DDB1: variants seen among roughly 807,000 people sequenced by gnomAD.
DDB1 encodes DNA damage-binding protein 1.
In DDB1, 18 loss-of-function variants were observed where a neutral mutation model predicts 133.1. The observed-to-expected ratio is 0.14, with a 90% CI of 0.09 to 0.20. The LOEUF is 0.20. DDB1 is among the 10% of genes least tolerant of loss of function. DDB1 has a pLI of 1.00. For synonymous variants in DDB1, 580 were observed against 550.5 expected (o/e 1.05, Z -0.75); for missense variants, 828 against 1,459.2 (o/e 0.57, Z 7.05).
At chr11:61,311,191 G>A (rs980782465) in intron 18 of DDB1, 10 of 152,788 alleles carry the variant, frequency 6.5e-5, no homozygotes, top group African/African-American at 1.9e-4. Flanking sequence ...GGTAGAGGTT[G>A]CAGTGAGCCG....
intron 1 of DDB1, 27 bp downstream of exon 1, chr11:61,332,881 C>T (rs1406601836): frequency 2.8e-5 from 41 of 1,465,084 alleles, no homozygotes; most frequent in Non-Finnish European, 3.2e-5. Context: ...CCTCACTCGC[C>T]GGGGTCTCCG....
At chr11:61,312,242 C>G (rs1175133202) in intron 16 of DDB1, among the ~76,000 whole-genome samples, 158 bp from the exon 17 acceptor site, 1 of 152,140 alleles carries the variant, frequency 6.6e-6, no homozygotes, top group African/African-American at 2.4e-5. Context: ...ATTCCTGGTC[C>G]CATCCACAAG....
chr11:61,317,291 T>C (rs929543019), intron 10 of DDB1, among the ~76,000 whole-genome samples: 4 of 151,038 alleles, frequency 2.6e-5, no homozygotes, highest in Non-Finnish European at 4.4e-5. Flanking sequence ...TTTTTTGTAT[T>C]TTTAGTAGAG....
At chr11:61,326,729 G>C in intron 5 of DDB1, 50 bp downstream of exon 5, 2 of 1,462,606 alleles carry the variant, frequency 1.4e-6, no homozygotes, top group Non-Finnish European at 1.9e-6. Context: ...CAAGAACAGG[G>C]AACTAGCCTA....
intron 3 of DDB1, 60 bp from the exon 4 acceptor site, chr11:61,329,644 C>A (rs760539014): frequency 1.3e-6 from 2 of 1,489,538 alleles, no homozygotes; most frequent in South Asian, 2.4e-5. Flanking sequence ...ACAGAGGACG[C>A]TGGGCACCAC....
At position 61,300,794 on chromosome 11, in the gene DDB1, C is replaced by T. The variant is rs1192856380; in HGVS notation, c.3339+15G>A. The T allele has an allele frequency of 4.3e-6, 7 of 1,614,018 alleles. No homozygotes were observed. The South Asian group carries it at 7.7e-5, about 18-fold the overall frequency. On this transcript the variant is annotated intron_variant, in intron 26 of 26. Transcript: ENST00000301764. ...TGGACTTGTCTGGCCCAGGGTTAAA[C>T]ACCACACAGCTCACCTGTAGGTTTG...
In DDB1 at chr11:61,314,465, A is replaced by G. The variant is rs1250768313; in HGVS notation, c.1432T>C (p.Leu478=). The G allele has an allele frequency of 1.2e-6, 2 of 1,613,086 alleles. No individual in the cohort carries two copies. Among genetic ancestry groups the G allele is most frequent in the Admixed American group, 1.7e-5 (1 of 59,746 alleles). The change falls in exon 13 of 27, where the codon TTG becomes CTG. Residue 478 remains leucine (L), a synonymous_variant. Transcript: ENST00000301764. ...AGAGCTTTGGGTTCTTGAGAGACCAACCTCACCGATGCTGAAGTGATCTAG... is the reference window on the plus strand; with the variant it reads ...AGAGCTTTGGGTTCTTGAGAGACCAGCCTCACCGATGCTGAAGTGATCTAG... ...LIQITSASVR[L]VSQEPKALVS... is the part of the protein sequence containing the mutation.
intron 7 of DDB1, 162 bp from the exon 8 acceptor site, chr11:61,323,256 A>T: frequency 1.5e-6 from 1 of 645,282 alleles, no homozygotes; most frequent in South Asian, 1.8e-5. Context: ...AATGTTTCTA[A>T]ATCTCTGAAG....
At chr11:61,318,437 A>G (rs993566101) in intron 10 of DDB1, among the ~76,000 whole-genome samples, 2 of 152,290 alleles carry the variant, frequency 1.3e-5, no homozygotes, top group African/African-American at 4.8e-5. Context: ...AGCCCGACCA[A>G]CATAATGTGT....
At chr11:61,306,472 C>T (rs1321748892) in intron 21 of DDB1, among the ~76,000 whole-genome samples, 1 of 152,140 alleles carries the variant, frequency 6.6e-6, no homozygotes, top group Admixed American at 6.5e-5. Flanking sequence ...ATCCCCAACC[C>T]ACCCATCACT....
chr11:61,332,677 G>A (rs1856416248), intron 1 of DDB1: 2 of 404,910 alleles, frequency 4.9e-6, no homozygotes. Context: ...GAGGCCGAAT[G>A]ACCTCCCCAG....
chr11:61,303,310 C>T (rs28720349), intron 22 of DDB1, 155 bp from the exon 23 acceptor site: 19 of 657,870 alleles, frequency 2.9e-5, no homozygotes, highest in Admixed American at 2.8e-4. Context: ...GGATTCTCCC[C>T]GACCTCTCTG....
intron 10 of DDB1, 62 bp from the exon 11 acceptor site, chr11:61,316,629 C>T (rs1856071996): frequency 1.1e-5 from 17 of 1,566,166 alleles, no homozygotes; most frequent in South Asian, 3.3e-5. Context: ...TGCATATCTA[C>T]GGACAGGGCA....
intron 24 of DDB1, 48 bp from the exon 25 acceptor site, chr11:61,302,407 G>T: frequency 1.3e-6 from 2 of 1,597,784 alleles, no homozygotes; most frequent in Non-Finnish European, 1.7e-6. Flanking sequence ...CAACCCCACA[G>T]CATGTATCCT....
At position 61,300,898 on chromosome 11, in the gene DDB1, G is replaced by A; in HGVS notation, c.3250C>T (p.Pro1084Ser). The A allele has an allele frequency of 1.9e-6, 3 of 1,614,194 alleles. No individual in the cohort carries two copies. Among genetic ancestry groups the A allele is most frequent in the Non-Finnish European group, 2.5e-6 (3 of 1,180,038 alleles). ...RSFHTERKTE[P>S]ATGFIDGDLI... is the part of the protein sequence containing the mutation. ...TCACCGTCGATGAAACCTGTGGCTG[G>A]TTCTGTCTTCCGCTCGGTGTGAAAG... is the stretch of plus-strand genomic sequence containing the variant. Residue 1084 changes from proline (P) to serine (S), a missense_variant, in exon 26 of 27, where the codon CCA (proline) becomes TCA (serine). Physicochemically the swap from Pro to Ser is moderately conservative, Grantham distance 74 (BLOSUM62 -1). This residue lies in a region of DDB1 where 116 missense variants were observed against 221.6 expected (regional missense o/e 0.52). Transcript: ENST00000301764.
Position 61,316,579 on chromosome 11 carries a change from A to G in DDB1, c.1226-12T>C, listed in dbSNP as rs200086667. Reference sequence around the variant, plus strand: ...CAGTGGCCATAATCCTGGAACAAGGACCAAGGATTCAGATGCATAGGACAG... The same window carrying G: ...CAGTGGCCATAATCCTGGAACAAGGGCCAAGGATTCAGATGCATAGGACAG... On this transcript the variant is annotated splice_polypyrimidine_tract_variant and intron_variant, in intron 10 of 26. Transcript: ENST00000301764. 5 of 1,613,854 alleles carry G rather than the reference A, an allele frequency of 3.1e-6. No homozygotes were observed. In the East Asian group the frequency reaches 1.1e-4, roughly 36 times the overall value.
chr11:61,321,406 C>CTTT, intron 10 of DDB1, 189 bp downstream of exon 10: 10 of 325,598 alleles, frequency 3.1e-5, no homozygotes, highest in South Asian at 5.7e-5. Context: ...GTAGTATTTT[C>CTTT]TTTTTTTTTT....
At chr11:61,323,203 A>G in intron 7 of DDB1, 109 bp from the exon 8 acceptor site, 1 of 844,934 alleles carries the variant, frequency 1.2e-6, no homozygotes, top group Non-Finnish European at 2.0e-6. Context: ...TGCAGCCATA[A>G]TTCAGAACAG....
intron 6 of DDB1, among the ~76,000 whole-genome samples, chr11:61,324,959 A>T (rs554325851): frequency 2.1e-4 from 32 of 151,996 alleles, no homozygotes; most frequent in Non-Finnish European, 3.5e-4. Context: ...GACCAGCCTG[A>T]CCAACATGGA....
Sources: gnomAD v4.1 joint callset for allele counts (sites outside exome capture counted in the v4.1 genomes callset) on GRCh38, gnomAD v4.1.1 for gene constraint, gnomAD v4.1.1 regional missense constraint, MANE v1.5 for transcripts, NCBI Gene and HGNC (gene_info 2026-07-23, HGNC 2026-07-21) for gene names.